The following FCRL6 variants were observed in gnomAD, a reference collection of about 807,000 sequenced individuals.
FCRL6 encodes the protein Fc receptor like 6, also known as Fc receptor-like protein 6.
FCRL6 carries 50 observed loss-of-function variants against 49.1 expected under a neutral mutation model. That is an observed-to-expected ratio of 1.02 (90% confidence interval 0.81 to 1.29). The LOEUF (loss-of-function observed/expected upper bound fraction) is 1.29, where lower values mean the gene tolerates loss of function less well. Among genes scored for constraint, FCRL6 ranks in the 50% most tolerant of loss-of-function variants. The pLI, the probability that FCRL6 is intolerant of heterozygous loss-of-function variation, is 0.00. For missense variants in FCRL6, 571 were observed against 518.5 expected, an observed-to-expected ratio of 1.10 and a Z score of -0.98; for synonymous variants, 213 against 199.6, an observed-to-expected ratio of 1.07 and a Z score of -0.57.
chr1:159,815,900 AG>A lies in FCRL6; in HGVS notation c.*240del, dbSNP rs770700423. 1 of 495,150 alleles carries A rather than the reference AG, an allele frequency of 2.0e-6. No individual in the cohort carries two copies. Among genetic ancestry groups the A allele is most frequent in the Non-Finnish European group, 3.7e-6 (1 of 270,942 alleles). 30.7% of individuals were successfully genotyped at this position (495,150 alleles called of 1,614,324 possible). A position where few individuals can be genotyped will look rare whatever the true frequency, so the allele number is the denominator to read the frequency against. On this transcript the variant is annotated 3_prime_UTR_variant, in exon 10 of 10. Transcript: ENST00000368106. ...CCAACACACACACTTAGGTTCAATC[AG>A]TGACACTGGACACATAAGCCACAGA...
In FCRL6 at chr1:159,806,763, T is replaced by C. The variant is rs1662717282; in HGVS notation, c.52+147T>C. ...CCCCTTCCTCAGGAGTCTTGGCCAG[T>C]TCCTAGGAAAAGGAGGAACTTGGAA... is the stretch of plus-strand genomic sequence containing the variant. On this transcript the variant is annotated intron_variant, in intron 2 of 9. Transcript: ENST00000368106. The C allele has an allele frequency of 4.8e-6, 4 of 841,398 alleles. No individual in the cohort carries two copies. The East Asian group carries it at 9.7e-5, about 20-fold the overall frequency. 52.1% of individuals were successfully genotyped at this position (841,398 alleles called of 1,614,324 possible). A position where few individuals can be genotyped will look rare whatever the true frequency, so the allele number is the denominator to read the frequency against.
At chr1:159,800,594 A>G, upstream of FCRL6, 6 of 1,550,316 alleles carry the variant, frequency 3.9e-6, no homozygotes, top group Non-Finnish European at 4.4e-6. Flanking sequence ...AGGAAAATAT[A>G]TGAATGTTGC....
At chr1:159,806,454 T>G in intron 1 of FCRL6, 142 bp from the exon 2 acceptor site, 1 of 765,796 alleles carries the variant, frequency 1.3e-6, no homozygotes, top group Non-Finnish European at 2.4e-6. Flanking sequence ...GTTGGATGGC[T>G]GTGTGGATGG....
intron 1 of FCRL6, among the ~76,000 whole-genome samples, chr1:159,805,838 A>G (rs987411243): frequency 1.3e-5 from 2 of 152,184 alleles, no homozygotes; most frequent in African/African-American, 4.8e-5. Flanking sequence ...CTGTGGAGAG[A>G]TGGGACCACA....
intron 2 of FCRL6, 102 bp downstream of exon 2, chr1:159,806,718 C>A (rs1662713626): frequency 8.6e-7 from 1 of 1,167,966 alleles, no homozygotes; most frequent in South Asian, 1.2e-5. Context: ...GAAACATCTG[C>A]AGAGCAGCAC....
At chr1:159,808,649 G>A (rs1480274830) in intron 3 of FCRL6, 14 of 645,506 alleles carry the variant, frequency 2.2e-5, no homozygotes, top group Admixed American at 2.9e-5. Context: ...AGGGGAAGGA[G>A]GGGGGAGATT....
Position 159,816,202 on chromosome 1 carries a change from G to GTACA in FCRL6, c.*542_*545dup, listed in dbSNP as rs1290741971. 1 of 162,422 alleles carries GTACA rather than the reference G, an allele frequency of 6.2e-6. No homozygotes were observed. The highest frequency in any genetic ancestry group is 1.6e-4 in the East Asian group (1 of 6,108). 10.1% of individuals were successfully genotyped at this position (162,422 alleles called of 1,614,324 possible). A position where few individuals can be genotyped will look rare whatever the true frequency, so the allele number is the denominator to read the frequency against. On this transcript the variant is annotated 3_prime_UTR_variant, in exon 10 of 10. Transcript: ENST00000368106. ...ATACAAATATAGCACATACAATTAT[G>GTACA]TACAGTACACTATACTTGATAATGA... is the stretch of plus-strand genomic sequence containing the variant.
chr1:159,808,474 C>A (rs1160771619), intron 3 of FCRL6, 30 bp downstream of exon 3: 10 of 1,613,638 alleles, frequency 6.2e-6, no homozygotes, highest in Non-Finnish European at 8.5e-6. Context: ...GTTTGTGGGG[C>A]AGGAGGTGCT....
intron 1 of FCRL6, 132 bp from the exon 2 acceptor site, chr1:159,806,464 G>A: frequency 2.5e-6 from 2 of 791,348 alleles, no homozygotes; most frequent in East Asian, 2.4e-5. Flanking sequence ...TGTGTGGATG[G>A]GTGGCTAGGA....
At chr1:159,807,071 T>G (rs1451373169) in intron 2 of FCRL6, among the ~76,000 whole-genome samples, 3 of 152,230 alleles carry the variant, frequency 2.0e-5, no homozygotes, top group Admixed American at 6.5e-5. Context: ...TGGAGCTTTC[T>G]GTCAAACAGG....
chr1:159,808,570 G>A (rs1336914737), intron 3 of FCRL6, 126 bp downstream of exon 3: 6 of 1,167,072 alleles, frequency 5.1e-6, no homozygotes. Context: ...CCAATGTGTG[G>A]GGCCCCGAGG....
chr1:159,812,617 C>T (rs891968122), intron 6 of FCRL6, among the ~76,000 whole-genome samples: 1 of 152,196 alleles, frequency 6.6e-6, no homozygotes, highest in African/African-American at 2.4e-5. Flanking sequence ...GAAACTGAGG[C>T]TCATTTCTCA....
In FCRL6 at chr1:159,809,375, G is replaced by A. The variant is rs112369541; in HGVS notation, c.605-27G>A. 1,229 of 1,563,044 alleles carry A rather than the reference G, an allele frequency of 7.9e-4. 18 individuals are homozygous for A. The South Asian group carries it at 0.014, about 18-fold the overall frequency. On this transcript the variant is annotated intron_variant, in intron 4 of 9. Transcript: ENST00000368106. ...AGCCAGGGTCCTGGGTGGTCAGGCT[G>A]AGCCTCCCACCCCATGTGTGTCCCA...
chr1:159,809,618 A>G lies in FCRL6; in HGVS notation c.821A>G (p.Tyr274Cys), dbSNP rs765547225. Reference sequence around the variant, plus strand: ...AAGTCAGAACAGGATGCTGGGAACTACTCCTGCGAGGCTGAGAACAGTGTC... The same window carrying G: ...AAGTCAGAACAGGATGCTGGGAACTGCTCCTGCGAGGCTGAGAACAGTGTC... ...PVKSEQDAGN[Y>C]SCEAENSVSR... Residue 274 changes from tyrosine to cysteine, a missense_variant, in exon 5 of 10, where the codon TAC (tyrosine) becomes TGC (cysteine). Tyr to Cys is a radical substitution (Grantham distance 194). Coordinates refer to ENST00000368106, the MANE Select transcript of FCRL6 (RefSeq NM_001004310.3). 2.4e-5 allele frequency: 39 copies of G among 1,613,640 alleles called. No individual in the cohort carries two copies. The South Asian group carries it at 4.2e-4, about 17-fold the overall frequency.
intron 7 of FCRL6, 55 bp from the exon 8 acceptor site, chr1:159,814,166 G>T: frequency 6.6e-7 from 1 of 1,512,596 alleles, no homozygotes; most frequent in South Asian, 1.1e-5. Context: ...GGACACTTAT[G>T]ACATGAGGTG....
At chr1:159,800,654 C>G, upstream of FCRL6, 1 of 1,523,308 alleles carries the variant, frequency 6.6e-7, no homozygotes, top group Non-Finnish European at 8.9e-7. Flanking sequence ...TACTTCCTCA[C>G]TACTTTTCCC....
intron 5 of FCRL6, among the ~76,000 whole-genome samples, chr1:159,809,893 G>A (rs191831963): frequency 9.7e-4 from 148 of 152,182 alleles, no homozygotes; most frequent in Middle Eastern, 3.4e-3. Flanking sequence ...CTCACGGGGG[G>A]AGCAGTCACG....
chr1:159,800,665 T>A, upstream of FCRL6: 1 of 1,505,792 alleles, frequency 6.6e-7, no homozygotes, highest in Non-Finnish European at 9.0e-7. Context: ...TACTTTTCCC[T>A]CTTTCCTAAA....
In FCRL6 at chr1:159,813,471, T is replaced by C; in HGVS notation, c.1010-18T>C. On this transcript the variant is annotated intron_variant, in intron 6 of 9. Transcript: ENST00000368106. Reference sequence around the variant, plus strand: ...CCTCTAAGGGACACCCAGTGAATCATGCCCTTGTATCTCCTAGGGCCCCTT... The same window carrying C: ...CCTCTAAGGGACACCCAGTGAATCACGCCCTTGTATCTCCTAGGGCCCCTT... 7 of 1,610,318 alleles carry C rather than the reference T, an allele frequency of 4.3e-6. No individual in the cohort carries two copies. Among genetic ancestry groups the C allele is most frequent in the Non-Finnish European group, 5.9e-6 (7 of 1,176,608 alleles).
Sources: allele counts gnomAD v4.1 joint callset (sites outside exome capture counted in the v4.1 genomes callset), GRCh38; gene constraint gnomAD v4.1.1; transcripts MANE v1.5; gene names NCBI Gene and HGNC (gene_info 2026-07-23, HGNC 2026-07-21).